The following ABL1 variants were observed in gnomAD, a reference collection of about 807,000 sequenced individuals.
ABL1 encodes the protein ABL proto-oncogene 1, non-receptor tyrosine kinase, also known as tyrosine-protein kinase ABL1.
Under a neutral mutation model 94.7 loss-of-function variants are expected in ABL1, and 11 were observed. That is an observed-to-expected ratio of 0.12 (90% confidence interval 0.07 to 0.19). The LOEUF (loss-of-function observed/expected upper bound fraction) is 0.19. Among genes scored for constraint, ABL1 ranks in the 10% least tolerant of loss-of-function variants. The probability of loss-of-function intolerance (pLI) is 1.00; values close to 1 mark genes in which losing one functional copy is unlikely to be tolerated. For synonymous variants in ABL1, 656 were observed against 622.4 expected (o/e 1.05, Z -0.80); for missense variants, 1,082 against 1,489.4 (o/e 0.73, Z 4.50).
At chr9:130,829,561 T>A (rs1257954845) in intron 1 of ABL1, among the ~76,000 whole-genome samples, 1 of 125,708 alleles carries the variant, frequency 8.0e-6, no homozygotes, top group Non-Finnish European at 1.6e-5. Flanking sequence ...CGAGACTACG[T>A]CTCAAAAAAA....
At chr9:130,883,495 CAAAA>C (rs796536168) in intron 10 of ABL1, among the ~76,000 whole-genome samples, 1 of 122,278 alleles carries the variant, frequency 8.2e-6, no homozygotes. Context: ...GACTCCAACT[CAAAA>C]AAAAAAAAAA....
intron 4 of ABL1, among the ~76,000 whole-genome samples, chr9:130,865,485 G>A (rs968318672): frequency 5.3e-5 from 8 of 152,264 alleles, no homozygotes; most frequent in East Asian, 1.9e-4. Context: ...GGTGGCTTAC[G>A]CCTGTAATCC....
chr9:130,873,088 C>T (rs377365280), intron 6 of ABL1, 51 bp downstream of exon 6: 44 of 1,565,390 alleles, frequency 2.8e-5, no homozygotes, highest in African/African-American at 2.6e-4. Context: ...GGCGTGGAGC[C>T]GGGCAGCCTT....
chr9:130,735,952 TATA>T lies in ABL1; in HGVS notation c.136+21498_136+21500del, dbSNP rs1405805147. Among the ~76,000 whole-genome samples, 512 of 88,750 alleles carry T rather than the reference TATA, an allele frequency of 5.8e-3. 3 individuals are homozygous for T. Among genetic ancestry groups the T allele is most frequent in the African/African-American group, 0.027 (354 of 13,026 alleles). 58.2% of individuals were successfully genotyped at this position (88,750 alleles called of 152,430 possible). On this transcript the variant is annotated intron_variant, in intron 1 of 10. Coordinates refer to the ABL1 transcript ENST00000372348. ...GTGTGTGCATATATATATATATATA[TATA>T]TATATATTTTTTTTTTTTAAGACAG...
At chr9:130,715,921 A>G (rs1038900264) in intron 1 of ABL1, among the ~76,000 whole-genome samples, 10 of 152,086 alleles carry the variant, frequency 6.6e-5, no homozygotes, top group Non-Finnish European at 4.4e-5. Context: ...ACAAAAGTAA[A>G]GCAGGTGTCT....
At chr9:130,770,991 C>T (rs977578987) in intron 1 of ABL1, among the ~76,000 whole-genome samples, 1 of 152,150 alleles carries the variant, frequency 6.6e-6, no homozygotes, top group African/African-American at 2.4e-5. Context: ...AAAATTTGGT[C>T]AGTATAAAAG....
chr9:130,884,803 A>T lies in ABL1; in HGVS notation c.2513A>T (p.Lys838Met). ...SGLPHKEEAG[K>M]GSALGTPAAA... is the part of the protein sequence containing the mutation. Reference sequence around the variant, plus strand: ...CTCCCCCACAAGGAAGAAGCTGGAAAGGGCAGTGCCTTAGGGACCCCTGCT... The same window carrying T: ...CTCCCCCACAAGGAAGAAGCTGGAATGGGCAGTGCCTTAGGGACCCCTGCT... The change falls in exon 11 of 11, where the codon AAG becomes ATG. Residue 838 changes from lysine (K) to methionine (M), a missense_variant. Physicochemically the swap from Lys to Met is moderately conservative, Grantham distance 95. This residue lies in a region of ABL1 where 780 missense variants were observed against 835.8 expected (regional missense o/e 0.93). Transcript: ENST00000318560. The surrounding 1 kb of genome is among the most constrained non-coding windows in gnomAD (Gnocchi z 5.6). 6.2e-7 allele frequency: 1 copy of T among 1,608,402 alleles called. No homozygotes were observed. The highest frequency in any genetic ancestry group is 8.5e-7 in the Non-Finnish European group (1 of 1,177,038).
intron 1 of ABL1, among the ~76,000 whole-genome samples, chr9:130,805,196 C>T (rs1830108573): frequency 6.6e-6 from 1 of 152,212 alleles, no homozygotes; most frequent in Non-Finnish European, 1.5e-5. Flanking sequence ...CCTGCCTCAG[C>T]CTCCCGAGTA....
intron 1 of ABL1, among the ~76,000 whole-genome samples, chr9:130,852,056 G>A (rs1446418625): frequency 6.6e-6 from 1 of 152,060 alleles, no homozygotes; most frequent in Non-Finnish European, 1.5e-5. Flanking sequence ...TGGGATTACA[G>A]GGGTGAGCCT....
At position 130,845,236 on chromosome 9, in the gene ABL1, A is replaced by G. The variant is rs184778233; in HGVS notation, c.80-8828A>G. 5.7e-3 allele frequency among the ~76,000 whole-genome samples: 866 copies of G among 152,332 alleles called. 6 individuals are homozygous for G. The highest frequency in any genetic ancestry group is 0.01 in the Non-Finnish European group (703 of 68,024). ...GTTATTTAATTAGTCCAAGGTTTAA[A>G]TATTTCCCCTGGAATCTTTTACATG... On this transcript the variant is annotated intron_variant, in intron 1 of 10. Transcript: ENST00000318560.
chr9:130,874,846 G>C, intron 6 of ABL1, 22 bp from the exon 7 acceptor site: 3 of 1,613,512 alleles, frequency 1.9e-6, no homozygotes, highest in Non-Finnish European at 2.5e-6. Flanking sequence ...AGCTCTCATG[G>C]GTGAACATTT....
chr9:130,808,962 T>C (rs571892093), intron 1 of ABL1, among the ~76,000 whole-genome samples: 7 of 152,298 alleles, frequency 4.6e-5, no homozygotes, highest in Admixed American at 3.3e-4. Flanking sequence ...TAGAGCCCTA[T>C]GATTGCTCTG....
intron 1 of ABL1, among the ~76,000 whole-genome samples, chr9:130,802,065 C>A (rs1360394333): frequency 6.7e-6 from 1 of 148,540 alleles, no homozygotes; most frequent in Non-Finnish European, 1.5e-5. Flanking sequence ...TGTAGCAAGT[C>A]TCTGAGTCTG....
Position 130,835,627 on chromosome 9 carries a change from T to TC in ABL1, c.79+106dup. 1.2e-6 allele frequency: 1 copy of TC among 838,376 alleles called. No homozygotes were observed. Among genetic ancestry groups the TC allele is most frequent in the Non-Finnish European group, 1.9e-6 (1 of 526,672 alleles). 51.9% of individuals were successfully genotyped at this position (838,376 alleles called of 1,614,324 possible). ...CGCCCGCGCGCTCCCGCCTGCGCCCTCCCCGGGTCTTGTCTTTTTTTTCTT... is the reference window on the plus strand; with the variant it reads ...CGCCCGCGCGCTCCCGCCTGCGCCCTCCCCCGGGTCTTGTCTTTTTTTTCTT... On this transcript the variant is annotated intron_variant, in intron 1 of 10. Coordinates refer to ENST00000318560, the MANE Select transcript of ABL1 (RefSeq NM_005157.6). This position sits in a 1 kb window ranked among gnomAD's most constrained non-coding sequence, Gnocchi z 4.6.
chr9:130,876,455 A>G (rs1024680098), intron 7 of ABL1, among the ~76,000 whole-genome samples: 5 of 148,182 alleles, frequency 3.4e-5, no homozygotes, highest in East Asian at 2.0e-4. Context: ...CTGGGGTACA[A>G]AGTACAGGCT....
At chr9:130,882,356 A>C (rs76162463) in intron 10 of ABL1, among the ~76,000 whole-genome samples, 2,198 of 152,042 alleles carry the variant, frequency 0.014, 40 homozygotes, top group African/African-American at 0.05. Context: ...CACTAGATTA[A>C]AGTTTTGGGA....
intron 4 of ABL1, among the ~76,000 whole-genome samples, chr9:130,871,620 T>C (rs928076850): frequency 3.3e-5 from 5 of 152,378 alleles, no homozygotes; most frequent in African/African-American, 1.2e-4. Context: ...TACTGTACTT[T>C]GAGACATCGT....
intron 1 of ABL1, among the ~76,000 whole-genome samples, chr9:130,717,020 C>T (rs1372183271): frequency 6.6e-6 from 1 of 152,116 alleles, no homozygotes; most frequent in Non-Finnish European, 1.5e-5. Flanking sequence ...GGAAGATCTA[C>T]ATAAATCAGT....
chr9:130,811,280 C>A (rs1447220768), intron 1 of ABL1, among the ~76,000 whole-genome samples: 1 of 152,068 alleles, frequency 6.6e-6, no homozygotes, highest in Non-Finnish European at 1.5e-5. Context: ...CAGAGTGAGA[C>A]CCTCTGTCTA....
Sources: gnomAD v4.1 joint callset for allele counts (sites outside exome capture counted in the v4.1 genomes callset) on GRCh38, gnomAD v4.1.1 for gene constraint, gnomAD v4.1.1 regional missense constraint, Gnocchi (gnomAD v3.1) non-coding constraint, MANE v1.5 for transcripts, NCBI Gene and HGNC (gene_info 2026-07-23, HGNC 2026-07-21) for gene names.